Variants in CACNA1B observed in about 807,000 individuals in gnomAD.
CACNA1B encodes calcium voltage-gated channel subunit alpha1 B.
In CACNA1B, 70 loss-of-function variants were observed where a neutral mutation model predicts 247.2. That is an observed-to-expected ratio of 0.28 (90% CI 0.23 to 0.35). CACNA1B has a LOEUF of 0.35. Ranked by LOEUF, CACNA1B falls within the 10% of genes least tolerant of loss-of-function variation. The pLI is 1.00. For synonymous variants in CACNA1B, 1,231 were observed against 1,294.4 expected, an observed-to-expected ratio of 0.95 and a Z score of 1.05; for missense variants, 2,367 against 3,197.4, an observed-to-expected ratio of 0.74 and a Z score of 6.26.
chr9:138,049,067 C>G, intron 23 of CACNA1B, 142 bp from the exon 24 acceptor site: 1 of 661,570 alleles, frequency 1.5e-6, no homozygotes, highest in Non-Finnish European at 2.8e-6. Context: ...GTTGCCCTGG[C>G]TGGTGTCCAA....
chr9:137,970,873 C>A (rs1004624773), intron 10 of CACNA1B, among the ~76,000 whole-genome samples: 1 of 152,130 alleles, frequency 6.6e-6, no homozygotes, highest in East Asian at 1.9e-4. Flanking sequence ...ATGGACCATG[C>A]GTAAACCGAT....
Position 138,114,423 on chromosome 9 carries a change from T to C in CACNA1B, c.5582T>C (p.Phe1861Ser). 6.3e-7 allele frequency: 1 copy of C among 1,596,432 alleles called. No homozygotes were observed. The change falls in exon 41 of 47, where the codon TTC becomes TCC. Residue 1861 changes from phenylalanine (F) to serine (S), a missense_variant. Phe to Ser is a radical substitution (Grantham distance 155). This residue lies in a region of CACNA1B where 773 missense variants were observed against 779.4 expected (regional missense o/e 0.99). Coordinates refer to ENST00000371372, the MANE Select transcript of CACNA1B (RefSeq NM_000718.4). ...VGKVYAALMI[F>S]DFYKQNKTTR... ...AAGGTTTATGCAGCTCTGATGATAT[T>C]CGACTTCTACAAGCAGAACAAAACC...
In CACNA1B at chr9:138,059,022, G is replaced by T; in HGVS notation, c.4474-57G>T. 1 of 1,044,636 alleles carries T rather than the reference G, an allele frequency of 9.6e-7. No homozygotes were observed. Among genetic ancestry groups the T allele is most frequent in the African/African-American group, 1.6e-5 (1 of 63,992 alleles). 64.7% of individuals were successfully genotyped at this position (1,044,636 alleles called of 1,614,324 possible). Reference sequence around the variant, plus strand: ...GCTTTGCTTGGTCATAGTGGTCCCAGATGGGGTGTCTTGGGGCTGCCAAAC... The same window carrying T: ...GCTTTGCTTGGTCATAGTGGTCCCATATGGGGTGTCTTGGGGCTGCCAAAC... On this transcript the variant is annotated intron_variant, in intron 29 of 46. Coordinates refer to ENST00000371372, the MANE Select transcript of CACNA1B (RefSeq NM_000718.4). The surrounding 1 kb of genome is among the most constrained non-coding windows in gnomAD (Gnocchi z 4.2).
At chr9:138,095,215 G>C (rs1009297433) in intron 36 of CACNA1B, among the ~76,000 whole-genome samples, 16 of 152,168 alleles carry the variant, frequency 1.1e-4, no homozygotes, top group Non-Finnish European at 5.9e-5. Context: ...TATTTAATAA[G>C]GGGTTAATAT....
intron 20 of CACNA1B, among the ~76,000 whole-genome samples, chr9:138,042,525 C>T (rs1405706780): frequency 1.3e-5 from 2 of 151,930 alleles, no homozygotes; most frequent in Non-Finnish European, 2.9e-5. Context: ...TGCTTCATTT[C>T]CTTAGTAGGT....
chr9:138,121,368 C>G lies in CACNA1B; in HGVS notation c.6490-101C>G, dbSNP rs999784416. 143 of 924,348 alleles carry G rather than the reference C, an allele frequency of 1.5e-4. No individual in the cohort carries two copies. In the Admixed American group the frequency reaches 4.4e-3, roughly 28 times the overall value. 57.3% of individuals were successfully genotyped at this position (924,348 alleles called of 1,614,324 possible). A position where few individuals can be genotyped will look rare whatever the true frequency, so the allele number is the denominator to read the frequency against. ...GTCCCCCATTGCCTCCCTCTCTCCT[C>G]CCATCCCCCCAGGCACCTGTGTGTG... On this transcript the variant is annotated intron_variant, in intron 46 of 46. Transcript: ENST00000371372. The surrounding 1 kb of genome is among the most constrained non-coding windows in gnomAD (Gnocchi z 6.8).
chr9:137,922,126 G>GGA (rs1415377192), intron 6 of CACNA1B, among the ~76,000 whole-genome samples: 3 of 148,624 alleles, frequency 2.0e-5, no homozygotes. Flanking sequence ...CAGCATCCTG[G>GGA]GAGCAGAGTA....
chr9:137,882,892 G>A lies in CACNA1B; in HGVS notation c.530+9G>A. 1 of 1,613,388 alleles carries A rather than the reference G, an allele frequency of 6.2e-7. No homozygotes were observed. Among genetic ancestry groups the A allele is most frequent in the Admixed American group, 1.7e-5 (1 of 60,012 alleles). Reference sequence around the variant, plus strand: ...GTGGTCGTCCTCACAGGGTAGGCAAGCTGAGGCCAGGAGGCCCAGCGTGTG... The same window carrying A: ...GTGGTCGTCCTCACAGGGTAGGCAAACTGAGGCCAGGAGGCCCAGCGTGTG... On this transcript the variant is annotated intron_variant, in intron 3 of 46. Transcript: ENST00000371372. The surrounding 1 kb of genome is among the most constrained non-coding windows in gnomAD (Gnocchi z 4.0).
intron 10 of CACNA1B, among the ~76,000 whole-genome samples, chr9:137,960,201 GGAGGGGGAGGGA>G (rs1554738907): frequency 8.4e-4 from 51 of 60,514 alleles, no homozygotes; most frequent in Admixed American, 1.2e-3. Context: ...TGAGTGAGGG[GGAGGGGGAGGGA>G]AGGTCGGCCG....
rs1340807243 is a variant in CACNA1B at position 138,059,083 on chromosome 9, A to G, written c.4478A>G (p.Tyr1493Cys). The change falls in exon 30 of 47, where the codon TAT becomes TGT. Residue 1493 changes from tyrosine (Y) to cysteine (C), a missense_variant. By Grantham distance (194) the Tyr-to-Cys change is radical (BLOSUM62 -2). Around this residue, in one of 12 missense-constraint regions of CACNA1B, gnomAD observed 436 missense variants for 679.5 expected, o/e 0.64. Coordinates refer to ENST00000371372, the MANE Select transcript of CACNA1B (RefSeq NM_000718.4). The surrounding 1 kb of genome is among the most constrained non-coding windows in gnomAD (Gnocchi z 4.2). ...CAGTGCCTATTCCCCGGGCAGTTCT[A>G]TGATGCACCCTATGAGTACGAGCTG... ...LNTVVLMMKF[Y>C]DAPYEYELML... 14 of 1,605,322 alleles carry G rather than the reference A, an allele frequency of 8.7e-6. No homozygotes were observed. Among genetic ancestry groups the G allele is most frequent in the East Asian group, 6.7e-5 (3 of 44,806 alleles).
In CACNA1B at chr9:137,882,247, T is replaced by C. The variant is rs954192521; in HGVS notation, c.391-497T>C. Among the ~76,000 whole-genome samples, 4 of 152,230 alleles carry C rather than the reference T, an allele frequency of 2.6e-5. No individual in the cohort carries two copies. The highest frequency in any genetic ancestry group is 4.4e-5 in the Non-Finnish European group (3 of 68,026). ...CCCAGAGGCTGCTGTGGCCTCTGCC[T>C]GGCTCCTGGGCATCTCTGTGCCTCT... On this transcript the variant is annotated intron_variant, in intron 2 of 46. Transcript: ENST00000371372. The surrounding 1 kb of genome is among the most constrained non-coding windows in gnomAD (Gnocchi z 4.0).
In CACNA1B at chr9:138,006,877, C is replaced by T. The variant is rs201062476; in HGVS notation, c.2085C>T (p.Phe695=). 74 of 1,565,908 alleles carry T rather than the reference C, an allele frequency of 4.7e-5. No homozygotes were observed. The African/African-American group carries it at 6.1e-4, about 13-fold the overall frequency. The change falls in exon 16 of 47, where the codon TTC becomes TTT. Residue 695 remains phenylalanine, a synonymous_variant. Transcript: ENST00000371372. ...TTTACTTCATTGTCCTGACACTGTTCGGAAACTGTATCCTTCTGTGGGGCT... is the reference window on the plus strand; with the variant it reads ...TTTACTTCATTGTCCTGACACTGTTTGGAAACTGTATCCTTCTGTGGGGCT... ...SSFYFIVLTL[F]GNYTLLNVFL...
chr9:137,995,883 G>A (rs183720952), intron 15 of CACNA1B, among the ~76,000 whole-genome samples: 43 of 152,230 alleles, frequency 2.8e-4, no homozygotes, highest in Non-Finnish European at 4.6e-4. Context: ...GACAGTTCTC[G>A]AAAGAAGATA....
intron 6 of CACNA1B, among the ~76,000 whole-genome samples, chr9:137,921,427 C>T: frequency 6.6e-6 from 1 of 152,030 alleles, no homozygotes; most frequent in African/African-American, 2.4e-5. Context: ...AGCACCACGA[C>T]CGCACAGCAT....
rs1049354468 is a variant in CACNA1B, at chr9:137,911,541, G to A, written c.531-1639G>A. Among the ~76,000 whole-genome samples, 6 of 152,096 alleles carry A rather than the reference G, an allele frequency of 3.9e-5. No homozygotes were observed. In the East Asian group the frequency reaches 7.7e-4, roughly 20 times the overall value. On this transcript the variant is annotated intron_variant, in intron 3 of 46. Transcript: ENST00000371372. The stretch of plus-strand genomic sequence containing the variant: ...AGCAGTTCTCCTGCCTCAGCCTCCC[G>A]AGTAGCTGGAATTACAGGCATGCGC...
chr9:137,888,554 C>T lies in CACNA1B; in HGVS notation c.530+5671C>T, dbSNP rs527600588. ...ATCCTGGCTCAGGCAGGTGGCTCTC[C>T]GGGGGAGCTTTCCAACCACGGCTTC... On this transcript the variant is annotated intron_variant, in intron 3 of 46. Transcript: ENST00000371372. The surrounding 1 kb of genome is among the most constrained non-coding windows in gnomAD (Gnocchi z 4.7). 4.4e-4 allele frequency among the ~76,000 whole-genome samples: 67 copies of T among 152,354 alleles called. No homozygotes were observed. The highest frequency in any genetic ancestry group is 1.5e-3 in the African/African-American group (62 of 41,586).
At position 138,118,031 on chromosome 9, in the gene CACNA1B, C is replaced by A; in HGVS notation, c.5863C>A (p.Leu1955Met). The A allele has an allele frequency of 6.3e-7, 1 of 1,599,286 alleles. No homozygotes were observed. Among genetic ancestry groups the A allele is most frequent in the Non-Finnish European group, 8.5e-7 (1 of 1,172,856 alleles). The change falls in exon 43 of 47, where the codon CTG (leucine) becomes ATG (methionine). Residue 1955 changes from leucine to methionine, a missense_variant. Physicochemically the swap from Leu to Met is conservative, Grantham distance 15. Around this residue, in one of 12 missense-constraint regions of CACNA1B, gnomAD observed 773 missense variants for 779.4 expected, o/e 0.99. Coordinates refer to ENST00000371372, the MANE Select transcript of CACNA1B (RefSeq NM_000718.4). ...QDAPHEARPP[L>M]ERGHSTEIPV... Reference sequence around the variant, plus strand: ...TGCACCCCATGAGGCCAGGCCACCCCTGGAGCGTGGCCACTCCACAGAGAT... The same window carrying A: ...TGCACCCCATGAGGCCAGGCCACCCATGGAGCGTGGCCACTCCACAGAGAT...
intron 10 of CACNA1B, among the ~76,000 whole-genome samples, chr9:137,963,207 A>T (rs529363599): frequency 2.0e-5 from 3 of 151,374 alleles, no homozygotes. Context: ...TGCAACCCCT[A>T]CTCTTTTCTG....
intron 6 of CACNA1B, among the ~76,000 whole-genome samples, chr9:137,929,679 G>T (rs549146551): frequency 6.6e-6 from 1 of 152,182 alleles, no homozygotes; most frequent in East Asian, 1.9e-4. Flanking sequence ...TTGGGACAGG[G>T]TCTTACTGTG....
Sources: gnomAD v4.1 joint callset for allele counts (sites outside exome capture counted in the v4.1 genomes callset) on GRCh38, gnomAD v4.1.1 for gene constraint, gnomAD v4.1.1 regional missense constraint, Gnocchi (gnomAD v3.1) non-coding constraint, MANE v1.5 for transcripts, NCBI Gene and HGNC (gene_info 2026-07-23, HGNC 2026-07-21) for gene names.